Variants in PLEKHB2 observed in about 807,000 individuals in gnomAD.
PLEKHB2 encodes the protein pleckstrin homology domain-containing family B member 2.
Under a neutral mutation model 36.5 loss-of-function variants are expected in PLEKHB2, and 31 were observed. The ratio of observed to expected loss-of-function variants is 0.85; its 90% CI spans 0.64 to 1.15. The LOEUF (loss-of-function observed/expected upper bound fraction) is 1.15, where lower values mean the gene tolerates loss of function less well. Ranked by LOEUF, PLEKHB2 falls within the 50% of genes most tolerant of loss-of-function variation. The pLI, the probability that PLEKHB2 is intolerant of heterozygous loss-of-function variation, is 0.00. For synonymous variants in PLEKHB2, 119 were observed against 112.0 expected (o/e 1.06, Z -0.39); for missense variants, 262 against 295.3 (o/e 0.89, Z 0.83).
intron 7 of PLEKHB2, among the ~76,000 whole-genome samples, chr2:131,142,079 C>T (rs1164756737): frequency 2.0e-5 from 3 of 152,176 alleles, no homozygotes; most frequent in Non-Finnish European, 2.9e-5. Flanking sequence ...ACCCACACCC[C>T]CTCTCACTCT....
intron 6 of PLEKHB2, among the ~76,000 whole-genome samples, chr2:131,134,236 G>A (rs1698010719): frequency 6.6e-6 from 1 of 151,912 alleles, no homozygotes; most frequent in East Asian, 1.9e-4. Context: ...GCCTATACTG[G>A]AGTGCAGTGG....
chr2:131,135,777 T>A (rs997441045), intron 6 of PLEKHB2, among the ~76,000 whole-genome samples: 5 of 151,270 alleles, frequency 3.3e-5, no homozygotes, highest in African/African-American at 9.8e-5. Flanking sequence ...ATTTTTTTAT[T>A]TTTTTTATTT....
chr2:131,134,666 C>G (rs1289754398), intron 6 of PLEKHB2, among the ~76,000 whole-genome samples: 1 of 152,190 alleles, frequency 6.6e-6, no homozygotes, highest in Non-Finnish European at 1.5e-5. Context: ...TCAACACCCT[C>G]TTTGTTCCTT....
intron 3 of PLEKHB2, among the ~76,000 whole-genome samples, chr2:131,126,473 C>A (rs1031291079): frequency 1.3e-5 from 2 of 152,118 alleles, no homozygotes; most frequent in South Asian, 4.1e-4. Flanking sequence ...TTGCAGTGAG[C>A]CGAATATATT....
At chr2:131,144,488 GTCCTCCCA>G in intron 7 of PLEKHB2, 1 of 880,956 alleles carries the variant, frequency 1.1e-6, no homozygotes, top group Non-Finnish European at 1.5e-6. Flanking sequence ...GGGGACTATA[GTCCTCCCA>G]TCCTCCCATC....
chr2:131,130,864 T>C, intron 5 of PLEKHB2, 104 bp downstream of exon 5: 1 of 791,176 alleles, frequency 1.3e-6, no homozygotes, highest in South Asian at 1.5e-5. Context: ...CACTGCAGCC[T>C]CTACCTCTCG....
chr2:131,142,566 C>CT (rs952615429), intron 7 of PLEKHB2, among the ~76,000 whole-genome samples: 12 of 144,282 alleles, frequency 8.3e-5, no homozygotes, highest in African/African-American at 2.8e-4. Context: ...GAATATGTTT[C>CT]TTTTTTTTTC....
At chr2:131,130,306 A>G (rs1330585560) in intron 4 of PLEKHB2, among the ~76,000 whole-genome samples, 1 of 152,148 alleles carries the variant, frequency 6.6e-6, no homozygotes, top group Non-Finnish European at 1.5e-5. Context: ...GGCCTCCCAT[A>G]GTGCTGGGAT....
chr2:131,125,926 C>G lies in PLEKHB2; in HGVS notation c.190+21C>G, dbSNP rs767399210. The G allele has an allele frequency of 6.2e-6, 10 of 1,607,858 alleles. No homozygotes were observed. In the South Asian group the frequency reaches 1.1e-4, roughly 18 times the overall value. ...TCGGGGTAAGCTGGCCTGTCTTGGC[C>G]AACTTCTGTCTTCTGCTCTTCCTCT... On this transcript the variant is annotated intron_variant, in intron 3 of 7. Coordinates refer to ENST00000693505, the MANE Select transcript of PLEKHB2 (RefSeq NM_001100623.2).
rs1699316119 is a variant in PLEKHB2 at position 131,146,642 on chromosome 2, T to C, written c.538T>C (p.Tyr180His). 2 of 1,611,156 alleles carry C rather than the reference T, an allele frequency of 1.2e-6. No individual in the cohort carries two copies. The highest frequency in any genetic ancestry group is 1.1e-5 in the South Asian group (1 of 90,450). The change falls in exon 8 of 8, where the codon TAT (tyrosine) becomes CAT (histidine). Residue 180 changes from tyrosine to histidine, a missense_variant. By Grantham distance (83) the Tyr-to-His change is moderately conservative (BLOSUM62 2). Coordinates refer to ENST00000693505, the MANE Select transcript of PLEKHB2 (RefSeq NM_001100623.2). ...CTATTTTCCTTCTCTTTTAGGACTT[T>C]ATGGACAGCAGCCTGCTAACCAAGT... ...VPYQYPYAGL[Y>H]GQQPANQVII... is the part of the protein sequence containing the mutation.
intron 4 of PLEKHB2, among the ~76,000 whole-genome samples, chr2:131,129,472 A>C (rs573183364): frequency 1.9e-4 from 29 of 152,216 alleles, no homozygotes; most frequent in African/African-American, 6.7e-4. Flanking sequence ...TAAGAAAAGT[A>C]AGGGGTAAAG....
chr2:131,132,020 G>C (rs1462734722), intron 5 of PLEKHB2, among the ~76,000 whole-genome samples: 1 of 152,046 alleles, frequency 6.6e-6, no homozygotes, highest in Non-Finnish European at 1.5e-5. Context: ...TTTTAGTAGA[G>C]ATGGGGTTTC....
intron 6 of PLEKHB2, among the ~76,000 whole-genome samples, chr2:131,136,443 C>T (rs1698267214): frequency 6.6e-6 from 1 of 151,474 alleles, no homozygotes; most frequent in Admixed American, 6.6e-5. Context: ...CTCCTGGCCT[C>T]AAACAATCCT....
intron 7 of PLEKHB2, among the ~76,000 whole-genome samples, chr2:131,141,012 G>T (rs1020104624): frequency 5.9e-5 from 9 of 152,208 alleles, no homozygotes; most frequent in African/African-American, 1.9e-4. Flanking sequence ...GCAGGAGGAG[G>T]AGTAGTCCCG....
chr2:131,127,996 G>C (rs1697266066), intron 4 of PLEKHB2, among the ~76,000 whole-genome samples: 1 of 152,164 alleles, frequency 6.6e-6, no homozygotes, highest in Non-Finnish European at 1.5e-5. Flanking sequence ...CCCTAGCATG[G>C]GACATTCAAA....
chr2:131,131,651 G>T lies in PLEKHB2; in HGVS notation c.333+891G>T, dbSNP rs1295069352. 2.0e-5 allele frequency among the ~76,000 whole-genome samples: 3 copies of T among 152,128 alleles called. No individual in the cohort carries two copies. The South Asian group carries it at 6.2e-4, about 32-fold the overall frequency. Reference sequence around the variant, plus strand: ...TGCATGTGGGAGAAGAAAGTAAAAGGCTTAATATCCTAATAGCGTCAGTGT... The same window carrying T: ...TGCATGTGGGAGAAGAAAGTAAAAGTCTTAATATCCTAATAGCGTCAGTGT... On this transcript the variant is annotated intron_variant, in intron 5 of 7. Coordinates refer to ENST00000693505, the MANE Select transcript of PLEKHB2 (RefSeq NM_001100623.2).
rs569606262 is a variant in PLEKHB2 at position 131,136,740 on chromosome 2, T to C, written c.424-3427T>C. 3.3e-5 allele frequency among the ~76,000 whole-genome samples: 5 copies of C among 151,822 alleles called. No homozygotes were observed. In the South Asian group the frequency reaches 1.0e-3, roughly 32 times the overall value. On this transcript the variant is annotated intron_variant, in intron 6 of 7. Transcript: ENST00000693505. Reference sequence around the variant, plus strand: ...AGTTTTCTTTTTTTGTACTTTGTTTTGTTTTATCAAGGCAATACTGACCTT... The same window carrying C: ...AGTTTTCTTTTTTTGTACTTTGTTTCGTTTTATCAAGGCAATACTGACCTT...
At chr2:131,141,513 A>G (rs1460435103) in intron 7 of PLEKHB2, among the ~76,000 whole-genome samples, 4 of 151,590 alleles carry the variant, frequency 2.6e-5, no homozygotes, top group African/African-American at 7.3e-5. Context: ...GGTGGCGGGC[A>G]CCTATAGTTC....
intron 1 of PLEKHB2, among the ~76,000 whole-genome samples, chr2:131,115,123 T>A (rs987803919): frequency 6.6e-6 from 1 of 152,128 alleles, no homozygotes; most frequent in African/African-American, 2.4e-5. Flanking sequence ...AAGTCATGTC[T>A]TACATGGTGG....
Sources: allele counts gnomAD v4.1 joint callset (sites outside exome capture counted in the v4.1 genomes callset), GRCh38; gene constraint gnomAD v4.1.1; transcripts MANE v1.5; gene names NCBI Gene and HGNC (gene_info 2026-07-23, HGNC 2026-07-21).